WNK3: variants seen among roughly 807,000 people sequenced by gnomAD.
WNK3 encodes WNK lysine deficient protein kinase 3.
Under a neutral mutation model 116.7 loss-of-function variants are expected in WNK3, and 18 were observed. The observed-to-expected ratio is 0.15, with a 90% CI of 0.11 to 0.23. WNK3 has a LOEUF of 0.23. Ranked by LOEUF, WNK3 falls within the 10% of genes least tolerant of loss-of-function variation. The pLI is 1.00. For synonymous variants in WNK3, 404 were observed against 469.4 expected (o/e 0.86, Z 1.80); for missense variants, 993 against 1,323.8 (o/e 0.75, Z 3.88).
chrX:54,298,159 G>A lies in WNK3; in HGVS notation c.1398+16C>T, dbSNP rs1464249520. ...TACAATAAGAGGTGAGGGGAATAGT[G>A]GTATGATTAACTTACCATTTCATAT... On this transcript the variant is annotated intron_variant, in intron 7 of 23. Coordinates refer to ENST00000354646, the Ensembl canonical transcript of WNK3. 2 of 1,041,344 alleles carry A rather than the reference G, an allele frequency of 1.9e-6. No homozygotes were observed. The highest frequency in any genetic ancestry group is 2.7e-6 in the Non-Finnish European group (2 of 742,941). 85.8% of individuals were successfully genotyped at this position (1,041,344 alleles called of 1,213,427 possible). A position where few individuals can be genotyped will look rare whatever the true frequency, so the allele number is the denominator to read the frequency against.
chrX:54,259,317 C>T, exon 11 of WNK3: 2 of 1,198,233 alleles, frequency 1.7e-6, no homozygotes, highest in South Asian at 1.8e-5. Flanking sequence ...TGTTGTTCAG[C>T]TCCAACTGGT....
intron 1 of WNK3, among the ~76,000 whole-genome samples, chrX:54,335,039 T>C (rs1557175145): frequency 3.6e-5 from 4 of 110,791 alleles, no homozygotes; most frequent in Non-Finnish European, 7.5e-5. Context: ...GGCGGGCAGA[T>C]CACTTGAGGT....
intron 6 of WNK3, among the ~76,000 whole-genome samples, chrX:54,300,782 G>A (rs2068749641): frequency 8.9e-6 from 1 of 111,780 alleles, no homozygotes; most frequent in Non-Finnish European, 1.9e-5. Context: ...ATTAAAAATG[G>A]GCAAAAGAGT....
intron 1 of WNK3, among the ~76,000 whole-genome samples, chrX:54,340,826 G>C (rs1452860547): frequency 9.0e-5 from 10 of 111,626 alleles, no homozygotes; most frequent in Non-Finnish European, 1.7e-4. Context: ...ACAGTAACAA[G>C]TGTTGACAAG....
chrX:54,344,307 G>T (rs1239910856), intron 1 of WNK3, among the ~76,000 whole-genome samples: 1 of 110,531 alleles, frequency 9.0e-6, no homozygotes, highest in Non-Finnish European at 1.9e-5. Flanking sequence ...GCCGGGCGTC[G>T]TGGCGGGCGC....
intron 22 of WNK3, among the ~76,000 whole-genome samples, chrX:54,209,782 C>T (rs368152881): frequency 1.8e-5 from 2 of 110,198 alleles, no homozygotes; most frequent in East Asian, 5.8e-4. Context: ...AACTCCTAAC[C>T]TCAGGTGATC....
chrX:54,201,188 C>T (rs2067497696), intron 23 of WNK3, among the ~76,000 whole-genome samples: 1 of 111,336 alleles, frequency 9.0e-6, no homozygotes, highest in Admixed American at 9.6e-5. Context: ...TAGAATAAGG[C>T]CCAAATTCCA....
intron 22 of WNK3, among the ~76,000 whole-genome samples, chrX:54,213,421 G>C (rs976972005): frequency 2.8e-5 from 3 of 107,668 alleles, no homozygotes; most frequent in Non-Finnish European, 3.8e-5. Flanking sequence ...GGGCGAAGTG[G>C]TGGGCGCCTG....
At chrX:54,301,454 A>G (rs1389996283) in intron 6 of WNK3, among the ~76,000 whole-genome samples, 1 of 110,124 alleles carries the variant, frequency 9.1e-6, no homozygotes, top group African/African-American at 3.3e-5. Context: ...AATTTTGTCC[A>G]CTCTCAACTG....
chrX:54,277,344 CT>C (rs1242871853), intron 10 of WNK3, among the ~76,000 whole-genome samples: 53 of 102,593 alleles, frequency 5.2e-4, no homozygotes, highest in Admixed American at 4.2e-4. Flanking sequence ...TTCTTTTTTT[CT>C]TTTTTTTTTT....
At chrX:54,235,682 A>G (rs1479271560) in intron 20 of WNK3, among the ~76,000 whole-genome samples, 3 of 112,052 alleles carry the variant, frequency 2.7e-5, no homozygotes, top group Non-Finnish European at 3.8e-5. Flanking sequence ...TCTCTAAAGC[A>G]TAAGATATAT....
intron 10 of WNK3, among the ~76,000 whole-genome samples, chrX:54,284,018 T>C (rs2068551774): frequency 9.1e-6 from 1 of 110,468 alleles, no homozygotes; most frequent in Admixed American, 9.8e-5. Context: ...CCACAGAAAG[T>C]AGTAACTACA....
chrX:54,265,263 AATC>A (rs1557157379), intron 10 of WNK3, among the ~76,000 whole-genome samples: 1 of 110,900 alleles, frequency 9.0e-6, no homozygotes. Context: ...GAGGCAGGCG[AATC>A]ATTTGAGGTG....
At chrX:54,225,091 A>G (rs1250074901) in intron 22 of WNK3, among the ~76,000 whole-genome samples, 1 of 108,353 alleles carries the variant, frequency 9.2e-6, no homozygotes, top group Non-Finnish European at 1.9e-5. Context: ...ACAAATAAAA[A>G]AAAAAAATAG....
In WNK3 at chrX:54,310,658, A is replaced by AT. The variant is rs782550334; in HGVS notation, c.710+460dup. Among the ~76,000 whole-genome samples the AT allele has an allele frequency of 2.3e-3, 256 of 111,571 alleles. 1 individual carries two copies. Among genetic ancestry groups the AT allele is most frequent in the African/African-American group, 8.0e-3 (246 of 30,852 alleles). ...ACAAACATTAACTTCTCAGTACTGT[A>AT]TTTTTTTAACAAACTTCATTAACAT... is the stretch of plus-strand genomic sequence containing the variant. On this transcript the variant is annotated intron_variant, in intron 3 of 23. Transcript: ENST00000354646.
At chrX:54,274,123 G>GA (rs1468353752) in intron 10 of WNK3, among the ~76,000 whole-genome samples, 3 of 110,332 alleles carry the variant, frequency 2.7e-5, no homozygotes, top group Non-Finnish European at 5.7e-5. Flanking sequence ...CTAAAACTTA[G>GA]AAAAAAAAGA....
chrX:54,343,657 C>G (rs1175389057), intron 1 of WNK3: 1 of 110,830 alleles, frequency 9.0e-6, no homozygotes, highest in African/African-American at 3.3e-5. Context: ...ATTTTTAAAT[C>G]CCAATATCCA....
chrX:54,331,358 A>G (rs892299576), intron 2 of WNK3, among the ~76,000 whole-genome samples: 1 of 109,748 alleles, frequency 9.1e-6, no homozygotes, highest in African/African-American at 3.3e-5. Context: ...AAAATTTTAT[A>G]GAAAGATATA....
intron 1 of WNK3, among the ~76,000 whole-genome samples, chrX:54,345,479 T>A (rs1322215703): frequency 9.0e-6 from 1 of 110,861 alleles, no homozygotes; most frequent in African/African-American, 3.3e-5. Flanking sequence ...AATATTATTT[T>A]GGCAATTATA....
Sources: gnomAD v4.1 joint callset for allele counts (sites outside exome capture counted in the v4.1 genomes callset) on GRCh38, gnomAD v4.1.1 for gene constraint, MANE v1.5 for transcripts, NCBI Gene and HGNC (gene_info 2026-07-23, HGNC 2026-07-21) for gene names.